The following PDZK1 variants were observed in gnomAD, a reference collection of about 807,000 sequenced individuals.
PDZK1 encodes the protein Na(+)/H(+) exchange regulatory cofactor NHE-RF3.
A neutral mutation model predicts 38.1 loss-of-function variants in PDZK1; 23 were observed. The ratio of observed to expected loss-of-function variants is 0.60; its 90% CI spans 0.43 to 0.85. The LOEUF (loss-of-function observed/expected upper bound fraction) is 0.85, where lower values mean the gene tolerates loss of function less well. Among genes scored for constraint, PDZK1 ranks in the 40% least tolerant of loss-of-function variants. The probability of loss-of-function intolerance (pLI) is 0.00; values close to 1 mark genes in which losing one functional copy is unlikely to be tolerated. For missense variants in PDZK1, 297 were observed against 504.3 expected (o/e 0.59, Z 3.94); for synonymous variants, 98 against 186.2 (o/e 0.53, Z 3.86).
intron 5 of PDZK1, among the ~76,000 whole-genome samples, chr1:145,680,501 C>G (rs1553700109): frequency 6.6e-6 from 1 of 151,956 alleles, no homozygotes; most frequent in East Asian, 1.9e-4. Flanking sequence ...GCTATACTGG[C>G]TCACACCGGC....
At chr1:145,689,513 G>T (rs781999676) in intron 1 of PDZK1, among the ~76,000 whole-genome samples, 23 of 152,122 alleles carry the variant, frequency 1.5e-4, no homozygotes, top group Non-Finnish European at 2.9e-5. Flanking sequence ...ATTATTAAGG[G>T]TAAGACTTCT....
At chr1:145,677,049 G>GT (rs1230324309) in intron 6 of PDZK1, among the ~76,000 whole-genome samples, 6 of 152,148 alleles carry the variant, frequency 3.9e-5, no homozygotes, top group Non-Finnish European at 8.8e-5. Flanking sequence ...GAGAGAGGTG[G>GT]TAACTATATT....
At chr1:145,672,671 A>G in intron 8 of PDZK1, 59 bp downstream of exon 8, 1 of 1,599,100 alleles carries the variant, frequency 6.3e-7, no homozygotes, top group Non-Finnish European at 8.6e-7. Flanking sequence ...ATATACTCAT[A>G]GGGACTGTAC....
intron 1 of PDZK1, among the ~76,000 whole-genome samples, chr1:145,689,144 C>T (rs1005225449): frequency 1.3e-5 from 2 of 152,162 alleles, no homozygotes; most frequent in East Asian, 1.9e-4. Context: ...AGTGCAGTGG[C>T]GCAATCGCAG....
intron 1 of PDZK1, among the ~76,000 whole-genome samples, chr1:145,690,426 G>T (rs1553702913): frequency 6.6e-6 from 1 of 152,120 alleles, no homozygotes; most frequent in African/African-American, 2.4e-5. Flanking sequence ...TAAATGAATA[G>T]GATCATTTCA....
rs1213996841 is a variant in PDZK1, at chr1:145,679,629, G to A, written c.794-984C>T. On this transcript the variant is annotated intron_variant, in intron 5 of 8. Coordinates refer to ENST00000417171, the MANE Select transcript of PDZK1 (RefSeq NM_001201325.2). ...TTCCTGGTGCAACAGAATGAGCATG[G>A]GCTTTGGAACTAAACAACTATTTGA... 7.4e-4 allele frequency among the ~76,000 whole-genome samples: 112 copies of A among 152,086 alleles called. 1 individual carries two copies. The highest frequency in any genetic ancestry group is 2.7e-3 in the African/African-American group (110 of 41,394).
At chr1:145,672,523 G>A (rs1426142556) in intron 8 of PDZK1, among the ~76,000 whole-genome samples, 2 of 151,304 alleles carry the variant, frequency 1.3e-5, no homozygotes, top group African/African-American at 2.4e-5. Context: ...GACAGTTGCT[G>A]TCAGCTGCAT....
At chr1:145,690,314 C>T (rs373140328) in intron 1 of PDZK1, among the ~76,000 whole-genome samples, 2 of 152,220 alleles carry the variant, frequency 1.3e-5, no homozygotes, top group South Asian at 4.1e-4. Flanking sequence ...GATCCCTACA[C>T]CTTTCCATTT....
chr1:145,693,618 C>T (rs2101918626), intron 1 of PDZK1, among the ~76,000 whole-genome samples: 1 of 151,972 alleles, frequency 6.6e-6, no homozygotes, highest in African/African-American at 2.4e-5. Flanking sequence ...ACTAAAAATA[C>T]AAAAAATTAG....
In PDZK1 at chr1:145,683,523, C is replaced by T. The variant is rs144358632; in HGVS notation, c.461-887G>A. The stretch of plus-strand genomic sequence containing the variant: ...GACAGGCACAGGAGGGAGGGAAGAA[C>T]CCGAATGCATTTAGGTGGTGAGATT... On this transcript the variant is annotated intron_variant, in intron 3 of 8. Coordinates refer to ENST00000417171, the MANE Select transcript of PDZK1 (RefSeq NM_001201325.2). Among the ~76,000 whole-genome samples, 768 of 152,200 alleles carry T rather than the reference C, an allele frequency of 5.0e-3. 8 individuals carry two copies. The highest frequency in any genetic ancestry group is 0.017 in the African/African-American group (726 of 41,512).
chr1:145,693,592 G>A (rs587753492), intron 1 of PDZK1, among the ~76,000 whole-genome samples: 19 of 152,134 alleles, frequency 1.2e-4, no homozygotes, highest in Non-Finnish European at 5.9e-5. Context: ...GGCTAACACC[G>A]TGAAACCCCG....
intron 1 of PDZK1, among the ~76,000 whole-genome samples, chr1:145,699,311 A>G (rs1242257520): frequency 6.6e-6 from 1 of 152,050 alleles, no homozygotes; most frequent in African/African-American, 2.4e-5. Flanking sequence ...CCAGCTACTC[A>G]GGAGGCTGAG....
chr1:145,684,254 C>G lies in PDZK1; in HGVS notation c.461-1618G>C, dbSNP rs1366310323. On this transcript the variant is annotated intron_variant, in intron 3 of 8. Coordinates refer to ENST00000417171, the MANE Select transcript of PDZK1 (RefSeq NM_001201325.2). ...GACGGAGTCTTGCTTTATCGCCCAG[C>G]CTGGAGTGCAGTGGCGCAATCTGAG... Among the ~76,000 whole-genome samples, 87 of 143,324 alleles carry G rather than the reference C, an allele frequency of 6.1e-4. 1 individual carries two copies. The highest frequency in any genetic ancestry group is 2.9e-3 in the South Asian group (13 of 4,424). 94.0% of individuals were successfully genotyped at this position (143,324 alleles called of 152,430 possible).
At chr1:145,693,535 G>A (rs927594175) in intron 1 of PDZK1, among the ~76,000 whole-genome samples, 1 of 135,934 alleles carries the variant, frequency 7.4e-6, no homozygotes, top group African/African-American at 3.8e-5. Context: ...TTGGGAGGCC[G>A]AGGCCGAGGC....
intron 1 of PDZK1, among the ~76,000 whole-genome samples, chr1:145,688,462 G>A (rs983517124): frequency 4.6e-5 from 7 of 152,114 alleles, no homozygotes; most frequent in Non-Finnish European, 8.8e-5. Flanking sequence ...TCTTCTATTG[G>A]GGAACATTAT....
rs2306523 is a variant in PDZK1, at chr1:145,672,765, C to T, written c.1471G>A (p.Glu491Lys). Residue 491 changes from glutamate to lysine, a missense_variant, in exon 8 of 9, where the codon GAG becomes AAG. Physicochemically the swap from Glu to Lys is moderately conservative, Grantham distance 56. Coordinates refer to ENST00000417171, the MANE Select transcript of PDZK1 (RefSeq NM_001201325.2). ...PPDSKEGIVVESNHDSHMAKE... is the reference protein window; with the variant it reads ...PPDSKEGIVVKSNHDSHMAKE... ...GCCATGTGCGAGTCATGGTTTGACT[C>T]CACCACTATTCCTTCTTTAGAATCT... 3.7e-6 allele frequency: 6 copies of T among 1,611,870 alleles called. No homozygotes were observed. Among genetic ancestry groups the T allele is most frequent in the East Asian group, 2.2e-5 (1 of 44,882 alleles).
chr1:145,697,587 A>G (rs1161182921), intron 1 of PDZK1, among the ~76,000 whole-genome samples: 2 of 151,908 alleles, frequency 1.3e-5, no homozygotes, highest in African/African-American at 2.4e-5. Flanking sequence ...ACCAAGTAAC[A>G]GAAGCAACGA....
intron 1 of PDZK1, among the ~76,000 whole-genome samples, chr1:145,694,663 C>T (rs2929826): frequency 0.48 from 72,182 of 151,502 alleles, 19,034 homozygotes; most frequent in Non-Finnish European, 0.59. Flanking sequence ...CTTTGGGAGG[C>T]CGAGGAGGGC....
At chr1:145,673,068 A>T (rs781990226) in intron 7 of PDZK1, 48 bp from the exon 8 acceptor site, 17 of 1,415,052 alleles carry the variant, frequency 1.2e-5, no homozygotes, top group Middle Eastern at 2.5e-4. Flanking sequence ...AGAAGGGGAC[A>T]TCAGACTAGC....
Sources: allele counts gnomAD v4.1 joint callset (sites outside exome capture counted in the v4.1 genomes callset), GRCh38; gene constraint gnomAD v4.1.1; transcripts MANE v1.5; gene names NCBI Gene and HGNC (gene_info 2026-07-23, HGNC 2026-07-21).